SLC28A1: variants seen among roughly 807,000 people sequenced by gnomAD.
The protein encoded by SLC28A1 is sodium/nucleoside cotransporter 1.
A neutral mutation model predicts 74.8 loss-of-function variants in SLC28A1; 64 were observed. The observed-to-expected ratio is 0.86, with a 90% CI of 0.70 to 1.05. SLC28A1 has a LOEUF of 1.05. SLC28A1 is among the 50% of genes least tolerant of loss of function. The pLI is 0.00. For missense variants in SLC28A1, 828 were observed against 822.8 expected (o/e 1.01, Z -0.08); for synonymous variants, 359 against 335.0 (o/e 1.07, Z -0.78).
intron 9 of SLC28A1, among the ~76,000 whole-genome samples, chr15:84,917,832 G>A (rs1187014999): frequency 6.6e-6 from 1 of 152,134 alleles, no homozygotes; most frequent in Non-Finnish European, 1.5e-5. Context: ...AGAAAGACTA[G>A]GGTGCAGAAA....
intron 8 of SLC28A1, among the ~76,000 whole-genome samples, chr15:84,906,430 C>T (rs1967121688): frequency 6.6e-6 from 1 of 151,956 alleles, no homozygotes; most frequent in East Asian, 1.9e-4. Flanking sequence ...ATCCTCCCAC[C>T]TCAGCCTCCC....
chr15:84,906,641 C>T (rs34001839), intron 8 of SLC28A1, among the ~76,000 whole-genome samples: 36,861 of 139,682 alleles, frequency 0.26, 5,608 homozygotes, highest in South Asian at 0.44. Context: ...TTCCTTTCTT[C>T]CTTCCTTCCT....
chr15:84,958,343 G>T, the SLC28A1 span, among the ~76,000 whole-genome samples: 19 of 152,130 alleles, frequency 1.2e-4, no homozygotes, highest in Non-Finnish European at 2.2e-4. Context: ...CCTCTCTTGG[G>T]TGGATGTCCT....
At chr15:84,950,657 A>G (rs535788586), downstream of SLC28A1, among the ~76,000 whole-genome samples, 58 of 152,256 alleles carry the variant, frequency 3.8e-4, no homozygotes, top group African/African-American at 1.3e-3. Context: ...CAGTAAGCTG[A>G]TAGCACCACT....
At chr15:84,955,939 T>C in the SLC28A1 span, among the ~76,000 whole-genome samples, 2 of 152,148 alleles carry the variant, frequency 1.3e-5, no homozygotes, top group African/African-American at 4.8e-5. Context: ...AACTTCCTCC[T>C]TCCCTCTCCA....
intron 15 of SLC28A1, among the ~76,000 whole-genome samples, chr15:84,939,099 C>G (rs1596356502): frequency 6.6e-6 from 1 of 152,136 alleles, no homozygotes; most frequent in South Asian, 2.1e-4. Flanking sequence ...GCAGGAGGCT[C>G]ACTTAAGACC....
intron 5 of SLC28A1, among the ~76,000 whole-genome samples, chr15:84,891,482 C>A (rs2141656372): frequency 6.6e-6 from 1 of 152,254 alleles, no homozygotes; most frequent in South Asian, 2.1e-4. Flanking sequence ...ACTGCCAGGC[C>A]ATCTGAGGGA....
chr15:84,937,835 TAC>T (rs1207271343), intron 15 of SLC28A1, among the ~76,000 whole-genome samples: 1 of 152,104 alleles, frequency 6.6e-6, no homozygotes, highest in Non-Finnish European at 1.5e-5. Context: ...AGGAGGAGGT[TAC>T]AGTGAGACAA....
intron 9 of SLC28A1, among the ~76,000 whole-genome samples, chr15:84,916,678 C>G (rs753769492): frequency 3.3e-5 from 5 of 152,126 alleles, no homozygotes; most frequent in Non-Finnish European, 5.9e-5. Flanking sequence ...CTGATCTTCC[C>G]ACAAACCTCT....
At chr15:84,899,901 GA>G (rs2141725000) in intron 6 of SLC28A1, among the ~76,000 whole-genome samples, 1 of 145,162 alleles carries the variant, frequency 6.9e-6, no homozygotes, top group African/African-American at 2.5e-5. Context: ...CAGAAAGAAA[GA>G]AAGAAAGAGA....
chr15:84,915,145 A>C (rs1213952105), intron 9 of SLC28A1, among the ~76,000 whole-genome samples: 2 of 152,100 alleles, frequency 1.3e-5, no homozygotes, highest in Non-Finnish European at 2.9e-5. Context: ...GGATGATGTC[A>C]TCCTACCCGT....
rs577142323 is a variant in SLC28A1, at chr15:84,920,594, A to G, written c.877-395A>G. 6.6e-4 allele frequency among the ~76,000 whole-genome samples: 101 copies of G among 152,274 alleles called. No individual in the cohort carries two copies. In the Middle Eastern group the frequency reaches 0.014, roughly 21 times the overall value. On this transcript the variant is annotated intron_variant, in intron 10 of 18. Coordinates refer to ENST00000394573, the MANE Select transcript of SLC28A1 (RefSeq NM_004213.5). ...AAAGGTAGCCTAATCCCATGGTCAA[A>G]TAATTTAGGGAAACTAGGCTAGACA...
intron 9 of SLC28A1, among the ~76,000 whole-genome samples, chr15:84,915,240 A>G (rs546436710): frequency 6.6e-6 from 1 of 152,296 alleles, no homozygotes; most frequent in South Asian, 2.1e-4. Flanking sequence ...TCCCCACCAC[A>G]GGGAAGTTGG....
At chr15:84,957,477 G>A in the SLC28A1 span, among the ~76,000 whole-genome samples, 1 of 152,148 alleles carries the variant, frequency 6.6e-6, no homozygotes, top group South Asian at 2.1e-4. Flanking sequence ...ACATTGGCCA[G>A]GCTGGTCTCA....
intron 13 of SLC28A1, 126 bp downstream of exon 13, chr15:84,933,401 T>G: frequency 8.2e-7 from 1 of 1,214,362 alleles, no homozygotes; most frequent in Non-Finnish European, 1.2e-6. Flanking sequence ...CCACTTTTCC[T>G]GCTCTGGTTT....
At chr15:84,968,837 A>G in the SLC28A1 span, among the ~76,000 whole-genome samples, 1 of 152,222 alleles carries the variant, frequency 6.6e-6, no homozygotes, top group Non-Finnish European at 1.5e-5. Flanking sequence ...TAAGGTAGCC[A>G]GAGTCAGATT....
chr15:84,923,802 G>C (rs915377954), intron 11 of SLC28A1, among the ~76,000 whole-genome samples, 183 bp from the exon 12 acceptor site: 1 of 152,090 alleles, frequency 6.6e-6, no homozygotes, highest in Admixed American at 6.5e-5. Context: ...AGGGATGGGG[G>C]TCCTTCTGTA....
At chr15:84,968,250 G>A in the SLC28A1 span, among the ~76,000 whole-genome samples, 13 of 152,312 alleles carry the variant, frequency 8.5e-5, no homozygotes, top group East Asian at 2.3e-3. Context: ...TAATAATAAA[G>A]CTTGCTTGAT....
chr15:84,943,078 C>T (rs1018479016), intron 15 of SLC28A1, among the ~76,000 whole-genome samples: 2 of 151,924 alleles, frequency 1.3e-5, no homozygotes, highest in African/African-American at 4.8e-5. Context: ...CCCAGCTACT[C>T]GGGAGGCTGA....
Sources: gnomAD v4.1 joint callset for allele counts (sites outside exome capture counted in the v4.1 genomes callset) on GRCh38, gnomAD v4.1.1 for gene constraint, MANE v1.5 for transcripts, NCBI Gene and HGNC (gene_info 2026-07-23, HGNC 2026-07-21) for gene names.